LNPEP: variants seen among roughly 807,000 people sequenced by gnomAD.
LNPEP encodes the protein leucyl-cystinyl aminopeptidase.
A neutral mutation model predicts 120.6 loss-of-function variants in LNPEP; 64 were observed. The ratio of observed to expected loss-of-function variants is 0.53; its 90% CI spans 0.43 to 0.65. The LOEUF (loss-of-function observed/expected upper bound fraction) is 0.65, where lower values mean the gene tolerates loss of function less well. Ranked by LOEUF, LNPEP falls within the 30% of genes least tolerant of loss-of-function variation. The pLI, the probability that LNPEP is intolerant of heterozygous loss-of-function variation, is 0.00. For missense variants in LNPEP, 1,057 were observed against 1,200.0 expected (o/e 0.88, Z 1.76); for synonymous variants, 435 against 425.4 (o/e 1.02, Z -0.28).
intron 1 of LNPEP, among the ~76,000 whole-genome samples, chr5:96,961,766 A>C (rs961946172): frequency 3.9e-5 from 6 of 152,190 alleles, no homozygotes; most frequent in Non-Finnish European, 7.3e-5. Context: ...AATACAATGT[A>C]AATACTATGT....
At chr5:96,962,830 C>T (rs1789638033) in intron 1 of LNPEP, 1 of 151,954 alleles carries the variant, frequency 6.6e-6, no homozygotes, top group Non-Finnish European at 1.5e-5. Flanking sequence ...TATGATTTGC[C>T]CTCAGTGAAT....
chr5:96,982,119 G>C (rs1218830943), intron 2 of LNPEP, among the ~76,000 whole-genome samples: 1 of 151,998 alleles, frequency 6.6e-6, no homozygotes. Flanking sequence ...AGGGAGCAGA[G>C]GCACATAAAG....
intron 1 of LNPEP, among the ~76,000 whole-genome samples, chr5:96,968,077 G>A (rs1258994533): frequency 2.0e-5 from 3 of 152,078 alleles, no homozygotes; most frequent in African/African-American, 7.2e-5. Context: ...ATGTAGAGCA[G>A]GTTTTGGAAC....
intron 15 of LNPEP, 24 bp from the exon 16 acceptor site, chr5:97,026,593 G>A: frequency 6.3e-7 from 1 of 1,594,318 alleles, no homozygotes; most frequent in Non-Finnish European, 8.6e-7. Context: ...TAATTTTGGA[G>A]GCTAAATCTG....
At position 96,963,207 on chromosome 5, in the gene LNPEP, G is replaced by GTA. The variant is rs568161744; in HGVS notation, c.20-15928_20-15927dup. On this transcript the variant is annotated intron_variant, in intron 1 of 17. Coordinates refer to ENST00000231368, the MANE Select transcript of LNPEP (RefSeq NM_005575.3). ...TAGGGGATAAATTAGTCTAAGAATA[G>GTA]TATACCAAAACATTAATTGTGATAA... Among the ~76,000 whole-genome samples the GTA allele has an allele frequency of 4.6e-5, 7 of 152,218 alleles. No individual in the cohort carries two copies. The East Asian group carries it at 1.4e-3, about 29-fold the overall frequency.
intron 8 of LNPEP, 45 bp downstream of exon 8, chr5:96,998,190 C>T (rs760631451): frequency 1.0e-5 from 14 of 1,365,988 alleles, no homozygotes; most frequent in African/African-American, 3.0e-5. Flanking sequence ...TTTAAAATTT[C>T]GTATAATTTC....
chr5:96,941,634 G>A lies in LNPEP; in HGVS notation c.19+5460G>A, dbSNP rs1048359785. 3.7e-4 allele frequency among the ~76,000 whole-genome samples: 56 copies of A among 152,132 alleles called. 2 individuals are homozygous for A. Among genetic ancestry groups the A allele is most frequent in the Admixed American group, 2.8e-3 (42 of 15,272 alleles). ...TCTTGACCTAGATCTACATATGGCCGTTATAGAGAGTGTTGCTTATTGCCT... is the reference window on the plus strand; with the variant it reads ...TCTTGACCTAGATCTACATATGGCCATTATAGAGAGTGTTGCTTATTGCCT... On this transcript the variant is annotated intron_variant, in intron 1 of 17. Transcript: ENST00000231368.
At chr5:97,010,550 T>C (rs1790901424) in intron 11 of LNPEP, 2 of 985,190 alleles carry the variant, frequency 2.0e-6, no homozygotes, top group Middle Eastern at 5.2e-4. Context: ...GTACAGGAAA[T>C]TTTGTAACTT....
chr5:96,949,753 T>C (rs1789280347), intron 1 of LNPEP, among the ~76,000 whole-genome samples: 1 of 152,254 alleles, frequency 6.6e-6, no homozygotes, highest in South Asian at 2.1e-4. Flanking sequence ...TTATATTTGC[T>C]ACAATGGTTG....
chr5:96,970,031 A>G (rs984865148), intron 1 of LNPEP, among the ~76,000 whole-genome samples: 1 of 151,824 alleles, frequency 6.6e-6, no homozygotes, highest in Non-Finnish European at 1.5e-5. Context: ...AATTGTTTCC[A>G]TTGTGTTTAG....
chr5:97,027,131 A>C (rs1791360264), intron 16 of LNPEP, among the ~76,000 whole-genome samples: 1 of 152,184 alleles, frequency 6.6e-6, no homozygotes, highest in African/African-American at 2.4e-5. Flanking sequence ...AGATGGGCGG[A>C]TCACGAGGTC....
chr5:96,951,646 A>G (rs1177145918), intron 1 of LNPEP, among the ~76,000 whole-genome samples: 3 of 152,200 alleles, frequency 2.0e-5, no homozygotes, highest in African/African-American at 4.8e-5. Flanking sequence ...CACTTTAGAC[A>G]GTTTCTTTCT....
chr5:96,937,467 T>C (rs2112549971), intron 1 of LNPEP: 1 of 152,332 alleles, frequency 6.6e-6, no homozygotes, highest in African/African-American at 2.4e-5. Flanking sequence ...TAAAGAATAG[T>C]CTGGTGAAGT....
intron 8 of LNPEP, among the ~76,000 whole-genome samples, chr5:96,998,629 C>A (rs1315370813): frequency 1.3e-5 from 2 of 152,134 alleles, no homozygotes; most frequent in African/African-American, 4.8e-5. Flanking sequence ...ATTCGGATCA[C>A]CATAGGTCGG....
intron 1 of LNPEP, among the ~76,000 whole-genome samples, chr5:96,952,326 A>C (rs937319414): frequency 6.6e-6 from 1 of 152,218 alleles, no homozygotes; most frequent in African/African-American, 2.4e-5. Flanking sequence ...CTGTACACTC[A>C]TGAGAGAAGT....
chr5:96,978,820 G>A (rs569523496), intron 1 of LNPEP, among the ~76,000 whole-genome samples: 3 of 152,284 alleles, frequency 2.0e-5, no homozygotes, highest in African/African-American at 7.2e-5. Flanking sequence ...CCCAGGGCAG[G>A]GTCCCAGGTT....
At chr5:97,025,009 G>T (rs1436585518) in intron 15 of LNPEP, among the ~76,000 whole-genome samples, 1 of 152,088 alleles carries the variant, frequency 6.6e-6, no homozygotes, top group African/African-American at 2.4e-5. Context: ...ATTGCTTTGT[G>T]CAAGCTGTCA....
intron 4 of LNPEP, among the ~76,000 whole-genome samples, chr5:96,988,646 T>C (rs1352889441): frequency 6.6e-6 from 1 of 152,094 alleles, no homozygotes; most frequent in Admixed American, 6.6e-5. Context: ...GGTCTCACTC[T>C]GCCACCCAGG....
intron 8 of LNPEP, among the ~76,000 whole-genome samples, chr5:96,998,987 T>C (rs1036395876): frequency 6.6e-6 from 1 of 152,040 alleles, no homozygotes; most frequent in African/African-American, 2.4e-5. Flanking sequence ...GAAGTACTAA[T>C]GGGCAAGTGA....
Sources: gnomAD v4.1 joint callset for allele counts (sites outside exome capture counted in the v4.1 genomes callset) on GRCh38, gnomAD v4.1.1 for gene constraint, MANE v1.5 for transcripts, NCBI Gene and HGNC (gene_info 2026-07-23, HGNC 2026-07-21) for gene names.